Variants in DHRSX observed in about 807,000 individuals in gnomAD.
DHRSX encodes the protein polyprenol dehydrogenase.
Under a neutral mutation model 34.0 loss-of-function variants are expected in DHRSX, and 31 were observed. The ratio of observed to expected loss-of-function variants is 0.91; its 90% CI spans 0.69 to 1.23. DHRSX has a LOEUF of 1.23. Ranked by LOEUF, DHRSX falls within the 50% of genes most tolerant of loss-of-function variation. The pLI is 0.00. For missense variants in DHRSX, 414 were observed against 428.1 expected (o/e 0.97, Z 0.29); for synonymous variants, 201 against 183.8 (o/e 1.09, Z -0.76).
At chrX:2,232,247 A>G (rs1217313758) in intron 6 of DHRSX, among the ~76,000 whole-genome samples, 1 of 152,082 alleles carries the variant, frequency 6.6e-6, no homozygotes, top group Non-Finnish European at 1.5e-5. Flanking sequence ...CTGTTTCTAA[A>G]AGTCTTCCTC....
intron 3 of DHRSX, among the ~76,000 whole-genome samples, chrX:2,366,930 C>T (rs1042111679): frequency 3.3e-5 from 5 of 151,946 alleles, no homozygotes; most frequent in Non-Finnish European, 7.4e-5. Context: ...TCCTTTGCAC[C>T]GGAATAAAAC....
intron 3 of DHRSX, among the ~76,000 whole-genome samples, chrX:2,335,424 A>G (rs1487286160): frequency 6.6e-6 from 1 of 150,474 alleles, no homozygotes; most frequent in African/African-American, 2.5e-5. Flanking sequence ...ATAAGAGACA[A>G]ATGGTTGCAT....
intron 1 of DHRSX, among the ~76,000 whole-genome samples, chrX:2,470,070 GA>G (rs2044565474): frequency 6.6e-6 from 1 of 151,558 alleles, no homozygotes. Flanking sequence ...ATGCAGCCAT[GA>G]AAAAGGAAAT....
At chrX:2,263,942 C>G (rs2041401088) in intron 5 of DHRSX, among the ~76,000 whole-genome samples, 2 of 152,192 alleles carry the variant, frequency 1.3e-5, no homozygotes, top group East Asian at 1.9e-4. Flanking sequence ...CAGTACATTG[C>G]GTGTCGACAG....
intron 6 of DHRSX, among the ~76,000 whole-genome samples, chrX:2,228,766 C>T (rs1400471380): frequency 6.6e-6 from 1 of 152,134 alleles, no homozygotes; most frequent in Non-Finnish European, 1.5e-5. Context: ...CCAGATAGCA[C>T]CCAGGGCACA....
intron 3 of DHRSX, among the ~76,000 whole-genome samples, chrX:2,403,621 TGA>T (rs1260790480): frequency 6.6e-6 from 1 of 152,046 alleles, no homozygotes; most frequent in African/African-American, 2.4e-5. Context: ...TTTGGGAGGC[TGA>T]GGTGGGTGGA....
rs767708521 is a variant in DHRSX, at chrX:2,284,394, ATGAATGAATT to A, written c.388+7098_388+7107del. ...CACTCATTTGAATTCATTCAAGTGA[ATGAATGAATT>A]TGAATGAATGAATGAATGAATGAAT... On this transcript the variant is annotated intron_variant, in intron 4 of 6. Transcript: ENST00000334651. 2.9e-5 allele frequency among the ~76,000 whole-genome samples: 4 copies of A among 135,748 alleles called. No homozygotes were observed. The South Asian group carries it at 9.4e-4, about 32-fold the overall frequency. 89.1% of individuals were successfully genotyped at this position (135,748 alleles called of 152,430 possible).
chrX:2,303,877 G>GGATGGA lies in DHRSX; in HGVS notation c.287-12275_287-12274insTCCATC, dbSNP rs1569485755. On this transcript the variant is annotated intron_variant, in intron 3 of 6. Coordinates refer to ENST00000334651, the MANE Select transcript of DHRSX (RefSeq NM_145177.3). ...GGTGGATGGGTGGATGGGTGGATGGGTGGATGGATGGATGGATGGATAAAT... is the reference window on the plus strand; with the variant it reads ...GGTGGATGGGTGGATGGGTGGATGGGGATGGATGGATGGATGGATGGATGGATAAAT... Among the ~76,000 whole-genome samples the GGATGGA allele has an allele frequency of 1.9e-3, 105 of 56,248 alleles. 1 individual carries two copies. Among genetic ancestry groups the GGATGGA allele is most frequent in the African/African-American group, 5.6e-3 (95 of 17,106 alleles). 36.9% of individuals were successfully genotyped at this position (56,248 alleles called of 152,430 possible).
intron 3 of DHRSX, among the ~76,000 whole-genome samples, chrX:2,360,779 G>C (rs1422049545): frequency 3.3e-5 from 5 of 152,004 alleles, no homozygotes; most frequent in Non-Finnish European, 7.4e-5. Flanking sequence ...GATGTGGGCA[G>C]ATGCTTAGAC....
At chrX:2,311,519 T>A (rs1017083166) in intron 3 of DHRSX, among the ~76,000 whole-genome samples, 1 of 151,990 alleles carries the variant, frequency 6.6e-6, no homozygotes, top group Non-Finnish European at 1.5e-5. Context: ...GACTCCCAGG[T>A]CTAGTCTAGA....
chrX:2,492,335 C>CA (rs2045173111), intron 1 of DHRSX, among the ~76,000 whole-genome samples: 1 of 152,086 alleles, frequency 6.6e-6, no homozygotes, highest in Non-Finnish European at 1.5e-5. Context: ...CACATGGAGA[C>CA]AGAGGCCGAG....
chrX:2,420,396 G>T, intron 2 of DHRSX, among the ~76,000 whole-genome samples: 1 of 130,088 alleles, frequency 7.7e-6, no homozygotes, highest in East Asian at 2.4e-4. Context: ...CAATAACAGC[G>T]AAACTCCATC....
chrX:2,246,998 G>C (rs2016313450), intron 5 of DHRSX, among the ~76,000 whole-genome samples: 1 of 152,090 alleles, frequency 6.6e-6, no homozygotes, highest in Non-Finnish European at 1.5e-5. Flanking sequence ...ACCCAGGCTG[G>C]AGTGCAGTGG....
chrX:2,447,924 G>C (rs1173685049), intron 1 of DHRSX, among the ~76,000 whole-genome samples: 2 of 149,660 alleles, frequency 1.3e-5, no homozygotes, highest in African/African-American at 4.9e-5. Context: ...GCCAGGAGCG[G>C]TGGCTTATGT....
intron 3 of DHRSX, among the ~76,000 whole-genome samples, chrX:2,361,248 C>T (rs1165340404): frequency 2.0e-5 from 3 of 151,840 alleles, no homozygotes; most frequent in African/African-American, 4.8e-5. Flanking sequence ...GTAGCTGGGA[C>T]TACAGGCGCC....
At chrX:2,457,757 CTGAA>C (rs1569503350) in intron 1 of DHRSX, among the ~76,000 whole-genome samples, 1 of 151,514 alleles carries the variant, frequency 6.6e-6, no homozygotes, top group Non-Finnish European at 1.5e-5. Flanking sequence ...CATGTACACA[CTGAA>C]GACGTTCCCT....
chrX:2,272,920 C>T (rs1384944527), intron 4 of DHRSX, among the ~76,000 whole-genome samples: 1 of 152,192 alleles, frequency 6.6e-6, no homozygotes, highest in Non-Finnish European at 1.5e-5. Context: ...ATCATTTGTT[C>T]GATCCAGCAA....
At chrX:2,438,075 G>C (rs916533779) in intron 1 of DHRSX, among the ~76,000 whole-genome samples, 8 of 151,678 alleles carry the variant, frequency 5.3e-5, no homozygotes, top group African/African-American at 1.7e-4. Flanking sequence ...ACTTTGGGAG[G>C]CCGAGGCAGG....
At chrX:2,389,979 C>A (rs1323547368) in intron 3 of DHRSX, among the ~76,000 whole-genome samples, 1 of 151,858 alleles carries the variant, frequency 6.6e-6, no homozygotes, top group Non-Finnish European at 1.5e-5. Context: ...AGGGGTTTCG[C>A]CATGTCGGCC....
Sources: allele counts gnomAD v4.1 joint callset (sites outside exome capture counted in the v4.1 genomes callset), GRCh38; gene constraint gnomAD v4.1.1; transcripts MANE v1.5; gene names NCBI Gene and HGNC (gene_info 2026-07-23, HGNC 2026-07-21).